Variants in CRACD observed in about 807,000 individuals in gnomAD.
CRACD encodes the protein capping protein-inhibiting regulator of actin dynamics.
Under a neutral mutation model 106.8 loss-of-function variants are expected in CRACD, and 56 were observed. The ratio of observed to expected loss-of-function variants is 0.52; its 90% CI spans 0.42 to 0.66. The LOEUF (loss-of-function observed/expected upper bound fraction) is 0.66. Ranked by LOEUF, CRACD falls within the 30% of genes least tolerant of loss-of-function variation. The pLI, the probability that CRACD is intolerant of heterozygous loss-of-function variation, is 0.00. For synonymous variants in CRACD, 754 were observed against 670.8 expected, an observed-to-expected ratio of 1.12 and a Z score of -1.92; for missense variants, 1,730 against 1,623.2, an observed-to-expected ratio of 1.07 and a Z score of -1.13.
At chr4:56,316,723 C>CGG in intron 8 of CRACD, 34 bp downstream of exon 8, 1 of 1,575,498 alleles carries the variant, frequency 6.3e-7, no homozygotes, top group Non-Finnish European at 8.6e-7. Flanking sequence ...CTGCTGCCAG[C>CGG]CGAGGTGTCA....
At chr4:56,284,611 G>A (rs1743227462) in intron 3 of CRACD, among the ~76,000 whole-genome samples, 1 of 152,144 alleles carries the variant, frequency 6.6e-6, no homozygotes, top group African/African-American at 2.4e-5. Flanking sequence ...TGTAATCCCA[G>A]CTACTTGGGA....
intron 3 of CRACD, among the ~76,000 whole-genome samples, chr4:56,279,412 G>T (rs907018764): frequency 6.6e-6 from 1 of 151,984 alleles, no homozygotes; most frequent in Non-Finnish European, 1.5e-5. Flanking sequence ...ACAAAGGGCT[G>T]ATATCCAGAA....
chr4:56,077,030 G>A (rs1732861991), intron 1 of CRACD, among the ~76,000 whole-genome samples: 1 of 152,046 alleles, frequency 6.6e-6, no homozygotes, highest in Admixed American at 6.6e-5. Flanking sequence ...TATGCTAGTG[G>A]GATCTGCACC....
At chr4:56,197,747 T>G (rs111829615) in intron 2 of CRACD, among the ~76,000 whole-genome samples, 2 of 151,818 alleles carry the variant, frequency 1.3e-5, no homozygotes, top group South Asian at 2.1e-4. Context: ...GTGGGATCTC[T>G]GCTCACTGCA....
At chr4:56,066,124 A>G (rs1732458764) in intron 1 of CRACD, among the ~76,000 whole-genome samples, 1 of 152,064 alleles carries the variant, frequency 6.6e-6, no homozygotes, top group Non-Finnish European at 1.5e-5. Flanking sequence ...TCTGCCTTTT[A>G]TCAATTGTGA....
intron 1 of CRACD, among the ~76,000 whole-genome samples, chr4:56,142,579 T>A (rs1233813136): frequency 6.6e-6 from 1 of 152,202 alleles, no homozygotes; most frequent in African/African-American, 2.4e-5. Context: ...TACCTACCAG[T>A]CTTTTCTTTC....
At chr4:56,172,944 C>T (rs550349357) in intron 1 of CRACD, among the ~76,000 whole-genome samples, 22 of 152,164 alleles carry the variant, frequency 1.4e-4, no homozygotes, top group Non-Finnish European at 2.8e-4. Flanking sequence ...TTAGTAGAGA[C>T]GAGGTTTCTC....
In CRACD at chr4:56,314,577, A is replaced by C. The variant is rs1267704317; in HGVS notation, c.1075A>C (p.Lys359Gln). The change falls in exon 8 of 11, where the codon AAA becomes CAA. Residue 359 changes from lysine (K) to glutamine (Q), a missense_variant. Coordinates refer to ENST00000682029, the MANE Select transcript of CRACD (RefSeq NM_001393381.1). The surrounding 1 kb of genome is among the most constrained non-coding windows in gnomAD (Gnocchi z 4.4). Reference sequence around the variant, plus strand: ...GGAAGGAAGATGCGCGGAGGAGCTCAAAAGGCAGGAGGAGGAGGAGGCTGA... The same window carrying C: ...GGAAGGAAGATGCGCGGAGGAGCTCCAAAGGCAGGAGGAGGAGGAGGCTGA... Reference protein sequence around the residue: ...EEEGRCAEELKRQEEEEAEGW... With the variant: ...EEEGRCAEELQRQEEEEAEGW... The C allele has an allele frequency of 2.0e-6, 3 of 1,516,644 alleles. No individual in the cohort carries two copies. Among genetic ancestry groups the C allele is most frequent in the Non-Finnish European group, 1.8e-6 (2 of 1,133,830 alleles). The allele number at this position is 1,516,644 out of a possible 1,614,324, so 93.9% of individuals were successfully genotyped here.
intron 2 of CRACD, among the ~76,000 whole-genome samples, chr4:56,234,981 C>G (rs1167351886): frequency 6.6e-6 from 1 of 152,174 alleles, no homozygotes; most frequent in Non-Finnish European, 1.5e-5. Flanking sequence ...CACCTCCAAT[C>G]TAATTCATAG....
intron 2 of CRACD, among the ~76,000 whole-genome samples, chr4:56,181,561 CAG>C (rs1736821954): frequency 6.6e-6 from 1 of 152,200 alleles, no homozygotes. Context: ...ATTAGGCAAA[CAG>C]AGCTTAAAAC....
At chr4:56,076,117 G>A (rs372022887) in intron 1 of CRACD, among the ~76,000 whole-genome samples, 1 of 152,094 alleles carries the variant, frequency 6.6e-6, no homozygotes, top group East Asian at 1.9e-4. Flanking sequence ...ATAAAATGAG[G>A]TCATATGGGC....
chr4:56,240,417 GC>G (rs1338203315), intron 2 of CRACD, among the ~76,000 whole-genome samples: 1 of 152,062 alleles, frequency 6.6e-6, no homozygotes, highest in Non-Finnish European at 1.5e-5. Flanking sequence ...TTTCCTGTTT[GC>G]CTTTTTTTCT....
At chr4:56,225,703 C>T (rs1478793938) in intron 2 of CRACD, among the ~76,000 whole-genome samples, 2 of 152,138 alleles carry the variant, frequency 1.3e-5, no homozygotes, top group African/African-American at 4.8e-5. Context: ...TTTAGGACTT[C>T]CCTTTTGTTC....
chr4:56,315,641 G>T lies in CRACD; in HGVS notation c.2139G>T (p.Pro713=), dbSNP rs375790466. Residue 713 remains proline (P), a synonymous_variant, in exon 8 of 11, where the codon CCG becomes CCT. Transcript: ENST00000682029. The surrounding 1 kb of genome is among the most constrained non-coding windows in gnomAD (Gnocchi z 4.1). The stretch of plus-strand genomic sequence containing the variant: ...CCCGCGGGAACCAACGGAAGACTCC[G>T]CCAGTCAATGCAAAGTTCTCTATTA... ...CDSRGNQRKT[P]PVNAKFSIMP... 3.6e-5 allele frequency: 58 copies of T among 1,614,074 alleles called. No individual in the cohort carries two copies. In the African/African-American group the frequency reaches 6.8e-4, roughly 19 times the overall value.
intron 1 of CRACD, among the ~76,000 whole-genome samples, chr4:56,127,086 G>T (rs369120522): frequency 5.9e-5 from 9 of 152,122 alleles, no homozygotes; most frequent in Admixed American, 5.2e-4. Flanking sequence ...AGTAGGTTAG[G>T]TGCTCTTATG....
intron 1 of CRACD, among the ~76,000 whole-genome samples, chr4:56,054,585 T>C (rs1047877533): frequency 6.6e-6 from 1 of 152,220 alleles, no homozygotes; most frequent in African/African-American, 2.4e-5. Flanking sequence ...ATATTTTAGG[T>C]TTACATAGAT....
intron 2 of CRACD, among the ~76,000 whole-genome samples, chr4:56,225,117 C>G (rs1337308127): frequency 6.6e-6 from 1 of 152,148 alleles, no homozygotes; most frequent in Non-Finnish European, 1.5e-5. Context: ...GAGATGGTGT[C>G]TTGCTCTCTT....
intron 1 of CRACD, among the ~76,000 whole-genome samples, chr4:56,093,935 G>T (rs539712782): frequency 6.6e-6 from 1 of 152,058 alleles, no homozygotes; most frequent in African/African-American, 2.4e-5. Context: ...CCTCAAATTG[G>T]GACATAGTTT....
intron 2 of CRACD, among the ~76,000 whole-genome samples, chr4:56,253,713 T>C (rs1560503707): frequency 6.6e-6 from 1 of 152,238 alleles, no homozygotes; most frequent in Admixed American, 6.5e-5. Context: ...AACCATAATA[T>C]GTGTGCTTCA....
Sources: gnomAD v4.1 joint callset for allele counts (sites outside exome capture counted in the v4.1 genomes callset) on GRCh38, gnomAD v4.1.1 for gene constraint, Gnocchi (gnomAD v3.1) non-coding constraint, MANE v1.5 for transcripts, NCBI Gene and HGNC (gene_info 2026-07-23, HGNC 2026-07-21) for gene names.